ADIPOR2: variants seen among roughly 807,000 people sequenced by gnomAD.
ADIPOR2 encodes adiponectin receptor protein 2.
In ADIPOR2, 18 loss-of-function variants were observed where a neutral mutation model predicts 40.9. The ratio of observed to expected loss-of-function variants is 0.44; its 90% confidence interval spans 0.30 to 0.65. The LOEUF (loss-of-function observed/expected upper bound fraction) is 0.65, where lower values mean the gene tolerates loss of function less well. Ranked by LOEUF, ADIPOR2 falls within the 30% of genes least tolerant of loss-of-function variation. The pLI, the probability that ADIPOR2 is intolerant of heterozygous loss-of-function variation, is 0.09. For synonymous variants in ADIPOR2, 165 were observed against 166.4 expected (o/e 0.99, Z 0.06); for missense variants, 283 against 479.2 (o/e 0.59, Z 3.82).
At chr12:1,711,893 G>A (rs544720359) in intron 1 of ADIPOR2, among the ~76,000 whole-genome samples, 2 of 152,242 alleles carry the variant, frequency 1.3e-5, no homozygotes, top group African/African-American at 2.4e-5. Flanking sequence ...CCAGAGGTTA[G>A]GAACTCCCTT....
intron 1 of ADIPOR2, among the ~76,000 whole-genome samples, chr12:1,702,136 A>T (rs559446785): frequency 7.6e-6 from 1 of 131,190 alleles, no homozygotes; most frequent in East Asian, 2.6e-4. Flanking sequence ...ACAAATGAAC[A>T]AACAGAAAAA....
At chr12:1,721,867 A>G (rs1050344040) in intron 1 of ADIPOR2, among the ~76,000 whole-genome samples, 1 of 152,172 alleles carries the variant, frequency 6.6e-6, no homozygotes, top group African/African-American at 2.4e-5. Context: ...GTATTTAAGG[A>G]GCAGACAGGT....
intron 1 of ADIPOR2, among the ~76,000 whole-genome samples, chr12:1,710,629 C>T (rs769871893): frequency 1.3e-5 from 2 of 151,984 alleles, no homozygotes; most frequent in Admixed American, 6.6e-5. Context: ...GAGTTGGGAG[C>T]GTTGGTTTGC....
chr12:1,740,580 G>C (rs1272864138), intron 1 of ADIPOR2, among the ~76,000 whole-genome samples: 1 of 152,144 alleles, frequency 6.6e-6, no homozygotes, highest in Admixed American at 6.5e-5. Context: ...AAAGTACTGG[G>C]GGTTAGGACT....
intron 2 of ADIPOR2, among the ~76,000 whole-genome samples, chr12:1,755,860 TAGTA>T (rs746479758): frequency 2.0e-4 from 30 of 152,226 alleles, no homozygotes; most frequent in East Asian, 7.7e-4. Context: ...AGTGTGTATA[TAGTA>T]AGTAATACAC....
Position 1,780,596 on chromosome 12 carries a change from A to G in ADIPOR2, c.609A>G (p.Thr203=), listed in dbSNP as rs1395952058. 2 of 1,610,390 alleles carry G rather than the reference A, an allele frequency of 1.2e-6. No individual in the cohort carries two copies. The highest frequency in any genetic ancestry group is 3.4e-5 in the Admixed American group (2 of 59,002). ...TTTCTTTTTCATGGCTCTTCCACAC[A>G]GTCTACTGCCACTCAGAGGGGGTCT... is the stretch of plus-strand genomic sequence containing the variant. ...LCLSFSWLFH[T]VYCHSEGVSR... is the part of the protein sequence containing the mutation. The change falls in exon 5 of 8, where the codon ACA becomes ACG. Residue 203 remains threonine (T), a synonymous_variant. Coordinates refer to ENST00000357103, the MANE Select transcript of ADIPOR2 (RefSeq NM_024551.3).
intron 1 of ADIPOR2, among the ~76,000 whole-genome samples, chr12:1,725,746 A>G (rs1443218408): frequency 1.3e-5 from 2 of 152,250 alleles, no homozygotes; most frequent in Non-Finnish European, 2.9e-5. Context: ...TGTTTTCCAT[A>G]TAATACAAAT....
At chr12:1,773,105 A>G in intron 3 of ADIPOR2, 144 bp downstream of exon 3, 2 of 1,026,228 alleles carry the variant, frequency 1.9e-6, no homozygotes, top group South Asian at 4.8e-5. Flanking sequence ...TGGTCTTGGG[A>G]CTCTAATCCT....
intron 1 of ADIPOR2, among the ~76,000 whole-genome samples, chr12:1,701,665 A>G (rs899948783): frequency 1.3e-5 from 2 of 152,090 alleles, no homozygotes; most frequent in Admixed American, 1.3e-4. Context: ...CTGTAAAATT[A>G]TTTTCTATTA....
At chr12:1,748,366 A>G (rs572746910) in intron 1 of ADIPOR2, among the ~76,000 whole-genome samples, 3 of 152,032 alleles carry the variant, frequency 2.0e-5, no homozygotes, top group Non-Finnish European at 2.9e-5. Context: ...CTCCTGCCTC[A>G]GCCTCCCGAG....
intron 1 of ADIPOR2, among the ~76,000 whole-genome samples, chr12:1,734,247 T>A (rs1256237078): frequency 1.3e-5 from 2 of 152,218 alleles, no homozygotes; most frequent in Non-Finnish European, 2.9e-5. Context: ...AGTGTTCCTA[T>A]TTCTCCACAT....
chr12:1,774,619 C>T (rs1565656943), intron 3 of ADIPOR2, among the ~76,000 whole-genome samples: 1 of 152,210 alleles, frequency 6.6e-6, no homozygotes, highest in African/African-American at 2.4e-5. Flanking sequence ...CTTGGTCACT[C>T]TTTTTTCCCC....
intron 1 of ADIPOR2, 80 bp from the exon 2 acceptor site, chr12:1,754,178 C>A: frequency 3.8e-6 from 2 of 529,264 alleles, no homozygotes; most frequent in East Asian, 3.2e-5. Context: ...AGTATTCTGT[C>A]GTTTGGATAT....
chr12:1,754,441 G>A lies in ADIPOR2; in HGVS notation c.98G>A (p.Gly33Asp). The change falls in exon 2 of 8, where the codon GGT becomes GAT. Residue 33 changes from glycine (G) to aspartate (D), a missense_variant. Transcript: ENST00000357103. ...CACCAACTGGATGGTACACGAAGAG[G>A]TGATAATGACAGCCACCAAGGAGAT... ...KGHQLDGTRR[G>D]DNDSHQGDLE... 4 of 1,613,710 alleles carry A rather than the reference G, an allele frequency of 2.5e-6. No individual in the cohort carries two copies. Among genetic ancestry groups the A allele is most frequent in the Non-Finnish European group, 3.4e-6 (4 of 1,179,806 alleles).
intron 1 of ADIPOR2, among the ~76,000 whole-genome samples, chr12:1,701,048 T>C (rs1295486873): frequency 6.6e-6 from 1 of 152,024 alleles, no homozygotes; most frequent in African/African-American, 2.4e-5. Context: ...AAAAAAATCA[T>C]GTACAGTTGA....
In ADIPOR2 at chr12:1,699,446, C is replaced by T. The variant is rs183294167; in HGVS notation, c.-87+8255C>T. 9.2e-3 allele frequency among the ~76,000 whole-genome samples: 1,400 copies of T among 152,106 alleles called. 10 individuals are homozygous for T. Among genetic ancestry groups the T allele is most frequent in the Non-Finnish European group, 0.013 (882 of 67,984 alleles). On this transcript the variant is annotated intron_variant, in intron 1 of 7. Transcript: ENST00000357103. ...CAGCCTGGCCAACATGGCGAAACCCCCGTCTCTACTGAAAATACTAAAACA... is the reference window on the plus strand; with the variant it reads ...CAGCCTGGCCAACATGGCGAAACCCTCGTCTCTACTGAAAATACTAAAACA...
rs550905079 is a variant in ADIPOR2 at position 1,721,129 on chromosome 12, A to G, written c.-87+29938A>G. 1.1e-4 allele frequency among the ~76,000 whole-genome samples: 17 copies of G among 149,550 alleles called. No individual in the cohort carries two copies. In the South Asian group the frequency reaches 3.2e-3, roughly 28 times the overall value. On this transcript the variant is annotated intron_variant, in intron 1 of 7. Transcript: ENST00000357103. ...TATAAAACTAAACTTTGCCCCGGCCACCTTGAGCACATGTTGTCAGGACTT... is the reference window on the plus strand; with the variant it reads ...TATAAAACTAAACTTTGCCCCGGCCGCCTTGAGCACATGTTGTCAGGACTT...
At chr12:1,763,758 C>G (rs1158125778) in intron 2 of ADIPOR2, among the ~76,000 whole-genome samples, 2 of 152,086 alleles carry the variant, frequency 1.3e-5, no homozygotes, top group Non-Finnish European at 1.5e-5. Flanking sequence ...GCGGGCAGAT[C>G]GCTTGAGCCC....
rs576472651 is a variant in ADIPOR2 at position 1,729,368 on chromosome 12, AG to A, written c.-86-24887del. On this transcript the variant is annotated intron_variant, in intron 1 of 7. Transcript: ENST00000357103. The stretch of plus-strand genomic sequence containing the variant: ...TATAGTTTAAAAATTATTAAATATT[AG>A]GGAGCCTTCTGCTTCATTGGGACTT... 2.1e-3 allele frequency among the ~76,000 whole-genome samples: 323 copies of A among 152,154 alleles called. 1 individual carries two copies. The highest frequency in any genetic ancestry group is 7.6e-3 in the African/African-American group (314 of 41,558).
Sources: gnomAD v4.1 joint callset for allele counts (sites outside exome capture counted in the v4.1 genomes callset) on GRCh38, gnomAD v4.1.1 for gene constraint, MANE v1.5 for transcripts, NCBI Gene and HGNC (gene_info 2026-07-23, HGNC 2026-07-21) for gene names.